The following TMEM132D variants were observed in gnomAD, a reference collection of about 807,000 sequenced individuals.
The protein encoded by TMEM132D is transmembrane protein 132D.
TMEM132D carries 21 observed loss-of-function variants against 62.3 expected under a neutral mutation model. That is an observed-to-expected ratio of 0.34 (90% CI 0.24 to 0.49). The LOEUF (loss-of-function observed/expected upper bound fraction) is 0.49, where lower values mean the gene tolerates loss of function less well. Ranked by LOEUF, TMEM132D falls within the 20% of genes least tolerant of loss-of-function variation. The pLI is 0.99. For missense variants in TMEM132D, 1,346 were observed against 1,402.8 expected, an observed-to-expected ratio of 0.96 and a Z score of 0.65; for synonymous variants, 621 against 575.6, an observed-to-expected ratio of 1.08 and a Z score of -1.13.
intron 1 of TMEM132D, among the ~76,000 whole-genome samples, chr12:129,865,949 G>A (rs1373444467): frequency 6.6e-6 from 1 of 152,108 alleles, no homozygotes; most frequent in African/African-American, 2.4e-5. Flanking sequence ...TAGGTCTGGG[G>A]TTGTCTGGCT....
intron 3 of TMEM132D, among the ~76,000 whole-genome samples, chr12:129,459,708 A>G (rs561603014): frequency 6.6e-6 from 1 of 152,306 alleles, no homozygotes; most frequent in South Asian, 2.1e-4. Flanking sequence ...TATTCGTAAA[A>G]CATTTTTAAT....
intron 3 of TMEM132D, among the ~76,000 whole-genome samples, chr12:129,483,145 C>G (rs1319469944): frequency 2.6e-5 from 4 of 152,190 alleles, no homozygotes; most frequent in Non-Finnish European, 5.9e-5. Flanking sequence ...ACAAAATCCG[C>G]TGTCAGATAT....
intron 1 of TMEM132D, among the ~76,000 whole-genome samples, chr12:129,871,048 T>C (rs983300345): frequency 9.2e-5 from 14 of 152,284 alleles, no homozygotes; most frequent in African/African-American, 2.9e-4. Context: ...CCAGAAATCC[T>C]GGTCCTGTGA....
intron 4 of TMEM132D, among the ~76,000 whole-genome samples, chr12:129,322,647 T>A (rs1013449523): frequency 6.6e-6 from 1 of 152,196 alleles, no homozygotes; most frequent in African/African-American, 2.4e-5. Context: ...GGTTCTAGGT[T>A]CCATCATTAC....
intron 3 of TMEM132D, among the ~76,000 whole-genome samples, chr12:129,427,377 A>G (rs1566065227): frequency 7.2e-6 from 1 of 139,534 alleles, no homozygotes; most frequent in Admixed American, 7.5e-5. Context: ...GGACACAGGA[A>G]GGGGAACATC....
At chr12:129,704,309 C>T (rs1032901695) in intron 1 of TMEM132D, among the ~76,000 whole-genome samples, 3 of 152,236 alleles carry the variant, frequency 2.0e-5, no homozygotes, top group African/African-American at 7.2e-5. Flanking sequence ...ACCCTGATAT[C>T]TGCAAGAGCA....
At chr12:129,197,849 T>C (rs750237452) in intron 5 of TMEM132D, among the ~76,000 whole-genome samples, 3 of 152,184 alleles carry the variant, frequency 2.0e-5, no homozygotes, top group Admixed American at 6.5e-5. Flanking sequence ...TGTGAAGATA[T>C]AACCCATGGA....
At chr12:129,524,927 C>CTTTTTTTTTTT (rs372985812) in intron 3 of TMEM132D, among the ~76,000 whole-genome samples, 1 of 85,954 alleles carries the variant, frequency 1.2e-5, no homozygotes, top group African/African-American at 4.2e-5. Flanking sequence ...TTTCTTTTTT[C>CTTTTTTTTTTT]TTTTTTTTTT....
intron 3 of TMEM132D, among the ~76,000 whole-genome samples, chr12:129,509,906 T>C (rs1041255423): frequency 1.3e-5 from 2 of 152,216 alleles, no homozygotes; most frequent in Admixed American, 1.3e-4. Context: ...ATCCTGGCTA[T>C]CGTGAACAGC....
chr12:129,901,865 C>CA (rs1875364007), intron 1 of TMEM132D, among the ~76,000 whole-genome samples: 1 of 142,492 alleles, frequency 7.0e-6, no homozygotes, highest in African/African-American at 2.7e-5. Flanking sequence ...GAACCAACCC[C>CA]CCCCGCCCCA....
intron 2 of TMEM132D, among the ~76,000 whole-genome samples, chr12:129,685,003 T>C (rs2137211772): frequency 6.6e-6 from 1 of 152,324 alleles, no homozygotes; most frequent in Non-Finnish European, 1.5e-5. Flanking sequence ...GTTAAAAGCA[T>C]TTAGTTTTAT....
At position 129,426,869 on chromosome 12, in the gene TMEM132D, C is replaced by T. The variant is rs143247101; in HGVS notation, c.1116-89052G>A. Among the ~76,000 whole-genome samples the T allele has an allele frequency of 1.4e-3, 216 of 152,328 alleles. 1 individual carries two copies. Among genetic ancestry groups the T allele is most frequent in the African/African-American group, 5.0e-3 (209 of 41,564 alleles). On this transcript the variant is annotated intron_variant, in intron 3 of 8. Coordinates refer to ENST00000422113, the MANE Select transcript of TMEM132D (RefSeq NM_133448.3). ...GAGCTGTGGCACTGTGCATGCAGCA[C>T]GCCTTCAAAGCGCATGTGTTACTCA...
chr12:129,808,283 G>A (rs1872059199), intron 1 of TMEM132D, among the ~76,000 whole-genome samples: 1 of 152,198 alleles, frequency 6.6e-6, no homozygotes, highest in African/African-American at 2.4e-5. Context: ...TTATTAGATC[G>A]AGAATCTAGA....
At chr12:129,610,610 C>A (rs1273302150) in intron 2 of TMEM132D, among the ~76,000 whole-genome samples, 1 of 152,160 alleles carries the variant, frequency 6.6e-6, no homozygotes, top group Non-Finnish European at 1.5e-5. Flanking sequence ...GTCCAGCCAA[C>A]TGGCTGGGAG....
intron 3 of TMEM132D, among the ~76,000 whole-genome samples, chr12:129,525,146 C>A (rs1425424895): frequency 6.9e-6 from 1 of 145,962 alleles, no homozygotes; most frequent in African/African-American, 2.5e-5. Context: ...AGGATGGTCT[C>A]GATCTCCTGA....
intron 1 of TMEM132D, among the ~76,000 whole-genome samples, chr12:129,799,128 G>T (rs1379433366): frequency 1.3e-5 from 2 of 151,960 alleles, no homozygotes; most frequent in African/African-American, 2.4e-5. Context: ...AGCTGGGTGT[G>T]GTGGCAGGCG....
chr12:129,403,105 A>T (rs1461074669), intron 3 of TMEM132D, among the ~76,000 whole-genome samples: 1 of 151,940 alleles, frequency 6.6e-6, no homozygotes, highest in African/African-American at 2.4e-5. Flanking sequence ...AAATAATTAG[A>T]GGAATTAATT....
At chr12:129,195,735 T>C (rs1878529487) in intron 5 of TMEM132D, among the ~76,000 whole-genome samples, 1 of 151,828 alleles carries the variant, frequency 6.6e-6, no homozygotes, top group African/African-American at 2.4e-5. Flanking sequence ...ACCACATGTG[T>C]TTTTTTGTGG....
At chr12:129,492,530 G>A (rs1874826958) in intron 3 of TMEM132D, among the ~76,000 whole-genome samples, 1 of 151,990 alleles carries the variant, frequency 6.6e-6, no homozygotes, top group Non-Finnish European at 1.5e-5. Flanking sequence ...AAATCACATT[G>A]CACACTCCAC....
Sources: gnomAD v4.1 joint callset for allele counts (sites outside exome capture counted in the v4.1 genomes callset) on GRCh38, gnomAD v4.1.1 for gene constraint, MANE v1.5 for transcripts, NCBI Gene and HGNC (gene_info 2026-07-23, HGNC 2026-07-21) for gene names.